Variants in DOCK8 observed in about 807,000 individuals in gnomAD.
DOCK8 encodes the protein dedicator of cytokinesis 8, also known as dedicator of cytokinesis protein 8.
In DOCK8, 141 loss-of-function variants were observed where a neutral mutation model predicts 245.6. That is an observed-to-expected ratio of 0.57 (90% CI 0.50 to 0.66). DOCK8 has a LOEUF of 0.66. Ranked by LOEUF, DOCK8 falls within the 30% of genes least tolerant of loss-of-function variation. The pLI, the probability that DOCK8 is intolerant of heterozygous loss-of-function variation, is 0.00. For synonymous variants in DOCK8, 1,168 were observed against 970.2 expected (o/e 1.20, Z -3.79); for missense variants, 2,965 against 2,603.4 (o/e 1.14, Z -3.02).
rs115091636 is a variant in DOCK8, at chr9:357,852, T to C, written c.1680-10166T>C. ...TTACCTTCCATTTTTCTTGCTCTGATTTCTGAAGACAGAATGTTCTCTTCA... is the reference window on the plus strand; with the variant it reads ...TTACCTTCCATTTTTCTTGCTCTGACTTCTGAAGACAGAATGTTCTCTTCA... On this transcript the variant is annotated intron_variant, in intron 14 of 47. Transcript: ENST00000432829. 3.8e-3 allele frequency among the ~76,000 whole-genome samples: 577 copies of C among 152,348 alleles called. 4 individuals carry two copies. The highest frequency in any genetic ancestry group is 0.013 in the African/African-American group (543 of 41,574).
In DOCK8 at chr9:382,623, C is replaced by T. The variant is rs1335770750; in HGVS notation, c.2716C>T (p.Pro906Ser). 8 of 1,614,142 alleles carry T rather than the reference C, an allele frequency of 5.0e-6. No individual in the cohort carries two copies. Among genetic ancestry groups the T allele is most frequent in the Non-Finnish European group, 5.9e-6 (7 of 1,180,034 alleles). Reference sequence around the variant, plus strand: ...GGCCCGGGTGATGAGCAGCAGTAACCCAGACCTCGCGGGGACACACTCCGC... The same window carrying T: ...GGCCCGGGTGATGAGCAGCAGTAACTCAGACCTCGCGGGGACACACTCCGC... ...LQARVMSSSNPDLAGTHSAAD... is the reference protein window; with the variant it reads ...LQARVMSSSNSDLAGTHSAAD... The change falls in exon 22 of 48, where the codon CCA (proline) becomes TCA (serine). Residue 906 changes from proline to serine, a missense_variant. Transcript: ENST00000432829.
intron 23 of DOCK8, among the ~76,000 whole-genome samples, chr9:388,172 T>G: frequency 6.6e-6 from 1 of 152,160 alleles, no homozygotes. Context: ...TTTCCTACAA[T>G]GAGAAGATCA....
chr9:366,346 T>C (rs1316723302), intron 14 of DOCK8: 1 of 152,242 alleles, frequency 6.6e-6, no homozygotes, highest in African/African-American at 2.4e-5. Context: ...GAGATGAGGG[T>C]AAAATAAGAC....
chr9:295,585 C>G (rs1352515588), intron 4 of DOCK8, among the ~76,000 whole-genome samples: 1 of 152,180 alleles, frequency 6.6e-6, no homozygotes, highest in Non-Finnish European at 1.5e-5. Context: ...GGGGACCTGC[C>G]TTCCTCTGGA....
At chr9:391,037 A>T (rs372203636) in intron 24 of DOCK8, among the ~76,000 whole-genome samples, 2 of 152,054 alleles carry the variant, frequency 1.3e-5, no homozygotes, top group Non-Finnish European at 2.9e-5. Context: ...CTCTAACCTC[A>T]TCTCACGCCA....
At chr9:282,102 T>G (rs1387518236) in intron 2 of DOCK8, among the ~76,000 whole-genome samples, 1 of 151,950 alleles carries the variant, frequency 6.6e-6, no homozygotes, top group Non-Finnish European at 1.5e-5. Context: ...TTTATCAAAT[T>G]CCCCCCACCA....
In DOCK8 at chr9:307,329, G is replaced by GTTTTTTTTT. The variant is rs1210792510; in HGVS notation, c.528+2633_528+2634insTTTTTTTTT. On this transcript the variant is annotated intron_variant, in intron 5 of 47. Coordinates refer to ENST00000432829, the MANE Select transcript of DOCK8 (RefSeq NM_203447.4). ...AACTCAAGTCACTGTGTTGTGTGTGGTTTTTTTTGTTTTTTTTTTTTTTTT... is the reference window on the plus strand; with the variant it reads ...AACTCAAGTCACTGTGTTGTGTGTGGTTTTTTTTTTTTTTTTTGTTTTTTTTTTTTTTTT... Among the ~76,000 whole-genome samples, 5 of 75,134 alleles carry GTTTTTTTTT rather than the reference G, an allele frequency of 6.7e-5. 2 individuals carry two copies. The highest frequency in any genetic ancestry group is 2.0e-4 in the African/African-American group (4 of 20,454). 49.3% of individuals were successfully genotyped at this position (75,134 alleles called of 152,430 possible).
At chr9:233,871 T>G (rs2047182109) in intron 1 of DOCK8, among the ~76,000 whole-genome samples, 1 of 152,172 alleles carries the variant, frequency 6.6e-6, no homozygotes, top group South Asian at 2.1e-4. Context: ...TCTGTGTCTT[T>G]TAATTGGAGC....
intron 3 of DOCK8, among the ~76,000 whole-genome samples, chr9:288,541 C>G (rs1327848290): frequency 6.6e-6 from 1 of 152,192 alleles, no homozygotes; most frequent in Non-Finnish European, 1.5e-5. Context: ...TAAATGCTAC[C>G]TAAGTGTAAA....
At chr9:334,104 T>C (rs16931101) in intron 10 of DOCK8, 121 bp from the exon 11 acceptor site, 23 of 1,082,442 alleles carry the variant, frequency 2.1e-5, no homozygotes, top group South Asian at 1.2e-4. Flanking sequence ...TGGGAAGATA[T>C]GTTTTTACTC....
intron 14 of DOCK8, among the ~76,000 whole-genome samples, chr9:364,435 C>T (rs2052878258): frequency 6.6e-6 from 1 of 152,006 alleles, no homozygotes; most frequent in Non-Finnish European, 1.5e-5. Context: ...GAGTTCAAGA[C>T]CAGCCTGGGC....
At chr9:267,849 T>C (rs1563854352) in intron 1 of DOCK8, 2 of 152,254 alleles carry the variant, frequency 1.3e-5, no homozygotes, top group Admixed American at 1.3e-4. Context: ...TGCTATCATA[T>C]ACAGAATTCT....
At chr9:373,189 A>G (rs2053375345) in intron 18 of DOCK8, among the ~76,000 whole-genome samples, 1 of 152,148 alleles carries the variant, frequency 6.6e-6, no homozygotes, top group African/African-American at 2.4e-5. Flanking sequence ...TAAAAAATAA[A>G]TAAAGGGAGC....
At position 240,742 on chromosome 9, in the gene DOCK8, G is replaced by A. The variant is rs187748991; in HGVS notation, c.53+25713G>A. On this transcript the variant is annotated intron_variant, in intron 1 of 47. Coordinates refer to ENST00000432829, the MANE Select transcript of DOCK8 (RefSeq NM_203447.4). Reference sequence around the variant, plus strand: ...TGCCAGGCACTGTGTTAGACTCTGGGGATTTGGAAAGACCCTGCTTCCCTC... The same window carrying A: ...TGCCAGGCACTGTGTTAGACTCTGGAGATTTGGAAAGACCCTGCTTCCCTC... 1.9e-3 allele frequency among the ~76,000 whole-genome samples: 286 copies of A among 152,092 alleles called. 2 individuals are homozygous for A. Among genetic ancestry groups the A allele is most frequent in the African/African-American group, 6.8e-3 (281 of 41,512 alleles).
intron 31 of DOCK8, 111 bp from the exon 32 acceptor site, chr9:420,838 A>G (rs1057316724): frequency 1.9e-5 from 27 of 1,455,472 alleles, no homozygotes; most frequent in Non-Finnish European, 2.4e-5. Context: ...ATCTCAGTGA[A>G]GCACATGTCA....
At chr9:226,739 A>T (rs2046997493) in intron 1 of DOCK8, among the ~76,000 whole-genome samples, 1 of 152,188 alleles carries the variant, frequency 6.6e-6, no homozygotes, top group Admixed American at 6.5e-5. Context: ...TTAACTGGGG[A>T]CATATGGAGT....
At chr9:328,652 C>T (rs544067612) in intron 9 of DOCK8, among the ~76,000 whole-genome samples, 21 of 152,144 alleles carry the variant, frequency 1.4e-4, no homozygotes, top group Non-Finnish European at 2.9e-4. Flanking sequence ...TCTAGAGATG[C>T]ATAGTTACGT....
In DOCK8 at chr9:377,506, C is replaced by T. The variant is rs140031942; in HGVS notation, c.2440+295C>T. ...TCTGGTAATTGATGAATTTATTTTA[C>T]CTTGAAGATATTTTTGTTTTCTTGA... On this transcript the variant is annotated intron_variant, in intron 20 of 47. Transcript: ENST00000432829. 2.6e-5 allele frequency among the ~76,000 whole-genome samples: 4 copies of T among 152,148 alleles called. 1 individual carries two copies. The East Asian group carries it at 5.8e-4, about 22-fold the overall frequency.
chr9:225,943 A>AG (rs1449098500), intron 1 of DOCK8, among the ~76,000 whole-genome samples: 1 of 152,170 alleles, frequency 6.6e-6, no homozygotes, highest in Non-Finnish European at 1.5e-5. Flanking sequence ...GGAGTGAATG[A>AG]GGGGAGAGGA....
Sources: gnomAD v4.1 joint callset for allele counts (sites outside exome capture counted in the v4.1 genomes callset) on GRCh38, gnomAD v4.1.1 for gene constraint, MANE v1.5 for transcripts, NCBI Gene and HGNC (gene_info 2026-07-23, HGNC 2026-07-21) for gene names.